The following CLINT1 variants were observed in gnomAD, a reference collection of about 807,000 sequenced individuals.
CLINT1 encodes clathrin interacting protein localized in the trans-Golgi region.
Under a neutral mutation model 70.4 loss-of-function variants are expected in CLINT1, and 15 were observed. The observed-to-expected ratio is 0.21, with a 90% CI of 0.14 to 0.33. CLINT1 has a LOEUF of 0.33. Ranked by LOEUF, CLINT1 falls within the 10% of genes least tolerant of loss-of-function variation. The probability of loss-of-function intolerance (pLI) is 1.00; values close to 1 mark genes in which losing one functional copy is unlikely to be tolerated. For missense variants in CLINT1, 615 were observed against 778.1 expected, an observed-to-expected ratio of 0.79 and a Z score of 2.49; for synonymous variants, 227 against 254.7, an observed-to-expected ratio of 0.89 and a Z score of 1.04.
chr5:157,834,159 T>A (rs1336673822), intron 1 of CLINT1, among the ~76,000 whole-genome samples: 1 of 151,710 alleles, frequency 6.6e-6, no homozygotes, highest in Non-Finnish European at 1.5e-5. Flanking sequence ...AGTTCAGGAG[T>A]TCGAGACCAG....
intron 1 of CLINT1, among the ~76,000 whole-genome samples, chr5:157,846,380 C>T (rs935311748): frequency 1.3e-5 from 2 of 152,016 alleles, no homozygotes; most frequent in African/African-American, 4.8e-5. Flanking sequence ...TCAAACTAGC[C>T]ACAACATTCC....
At chr5:157,805,501 C>T (rs1178666070) in intron 7 of CLINT1, among the ~76,000 whole-genome samples, 1 of 152,154 alleles carries the variant, frequency 6.6e-6, no homozygotes, top group African/African-American at 2.4e-5. Flanking sequence ...TCTTCTTACT[C>T]CCTCGTTTGT....
intron 1 of CLINT1, among the ~76,000 whole-genome samples, chr5:157,835,785 C>G (rs941519562): frequency 5.9e-5 from 9 of 152,162 alleles, no homozygotes; most frequent in African/African-American, 2.2e-4. Flanking sequence ...TTACTATATC[C>G]TCTGAAATTA....
At chr5:157,840,405 T>C (rs567115893) in intron 1 of CLINT1, among the ~76,000 whole-genome samples, 10 of 152,118 alleles carry the variant, frequency 6.6e-5, no homozygotes, top group Admixed American at 1.3e-4. Flanking sequence ...AACTGGAATA[T>C]GGAAGAGGTA....
intron 11 of CLINT1, 132 bp downstream of exon 11, chr5:157,789,226 ATATCT>A: frequency 1.3e-6 from 1 of 744,996 alleles, no homozygotes; most frequent in Non-Finnish European, 2.3e-6. Context: ...TTATGTGAAA[ATATCT>A]TAAGTGAACA....
chr5:157,848,394 A>G (rs905859488), intron 1 of CLINT1, among the ~76,000 whole-genome samples: 12 of 146,946 alleles, frequency 8.2e-5, no homozygotes, highest in African/African-American at 3.0e-4. Context: ...ACTGCACCCG[A>G]CCTAAGAATT....
chr5:157,850,580 G>A (rs1251600498), intron 1 of CLINT1, among the ~76,000 whole-genome samples: 5 of 129,712 alleles, frequency 3.9e-5, no homozygotes, highest in African/African-American at 9.1e-5. Flanking sequence ...ATGCCACTGC[G>A]CTCCAGCCTG....
intron 1 of CLINT1, among the ~76,000 whole-genome samples, chr5:157,822,526 T>A (rs762623961): frequency 6.6e-6 from 1 of 152,192 alleles, no homozygotes; most frequent in African/African-American, 2.4e-5. Context: ...ATCAGCAGCA[T>A]GAAAATGGAC....
chr5:157,845,918 G>A (rs181769107), intron 1 of CLINT1, among the ~76,000 whole-genome samples: 157 of 152,222 alleles, frequency 1.0e-3, no homozygotes, highest in African/African-American at 3.3e-3. Flanking sequence ...AGCAGTCTGT[G>A]ATCAGTGATC....
chr5:157,822,437 A>G (rs1225170929), intron 1 of CLINT1, among the ~76,000 whole-genome samples: 1 of 152,154 alleles, frequency 6.6e-6, no homozygotes, highest in Non-Finnish European at 1.5e-5. Flanking sequence ...ACCTCCCGCC[A>G]TGATTCTGGG....
rs1376870524 is a variant in CLINT1, at chr5:157,791,896, G to A, written c.1187C>T (p.Ala396Val). ...AACAAGTTCTACCGCTGGCTGTGAG[G>A]CACTGCCAAAGAACTCGCCACTGGA... ...VASSGEFFGS[A>V]SQPAVELVSG... Residue 396 changes from alanine (A) to valine (V), a missense_variant, in exon 10 of 12, where the codon GCC (alanine) becomes GTC (valine). Ala to Val is a moderately conservative substitution (Grantham distance 64). Around this residue, in one of 2 missense-constraint regions of CLINT1, gnomAD observed 374 missense variants for 409.6 expected, o/e 0.91. Transcript: ENST00000411809. 6.2e-7 allele frequency: 1 copy of A among 1,613,952 alleles called. No homozygotes were observed. The highest frequency in any genetic ancestry group is 8.5e-7 in the Non-Finnish European group (1 of 1,179,852).
intron 1 of CLINT1, among the ~76,000 whole-genome samples, chr5:157,847,660 G>C (rs1383356994): frequency 2.0e-5 from 3 of 152,150 alleles, no homozygotes; most frequent in African/African-American, 7.2e-5. Flanking sequence ...AAGAAAACTA[G>C]AATTAGGAGC....
intron 1 of CLINT1, among the ~76,000 whole-genome samples, chr5:157,832,061 C>T (rs1309238873): frequency 1.3e-5 from 2 of 152,074 alleles, no homozygotes; most frequent in East Asian, 1.9e-4. Context: ...GATCTCGGCT[C>T]GCTGCAGTCT....
intron 1 of CLINT1, among the ~76,000 whole-genome samples, chr5:157,838,877 A>G (rs1763522396): frequency 6.6e-6 from 1 of 152,230 alleles, no homozygotes; most frequent in African/African-American, 2.4e-5. Context: ...TAGCATTGCT[A>G]GAAGTAGTGA....
At chr5:157,815,538 G>A (rs762360802) in intron 3 of CLINT1, among the ~76,000 whole-genome samples, 2 of 152,106 alleles carry the variant, frequency 1.3e-5, no homozygotes, top group East Asian at 1.9e-4. Flanking sequence ...CTAGTTAGGC[G>A]GAAAGGAGGG....
At chr5:157,819,365 T>C (rs942492461) in intron 1 of CLINT1, among the ~76,000 whole-genome samples, 4 of 152,122 alleles carry the variant, frequency 2.6e-5, no homozygotes, top group Non-Finnish European at 4.4e-5. Flanking sequence ...ACAAAATAAA[T>C]ATAAATTCCT....
At chr5:157,837,501 G>C (rs1477480595) in intron 1 of CLINT1, among the ~76,000 whole-genome samples, 1 of 152,092 alleles carries the variant, frequency 6.6e-6, no homozygotes, top group African/African-American at 2.4e-5. Context: ...TCATACTTGA[G>C]AAATGCAATC....
At chr5:157,790,871 G>A (rs922606598) in intron 10 of CLINT1, among the ~76,000 whole-genome samples, 1 of 152,130 alleles carries the variant, frequency 6.6e-6, no homozygotes, top group Non-Finnish European at 1.5e-5. Context: ...GTTGAAAGAT[G>A]AGCCTATAAA....
chr5:157,833,019 C>T (rs1193398746), intron 1 of CLINT1, among the ~76,000 whole-genome samples: 1 of 152,070 alleles, frequency 6.6e-6, no homozygotes, highest in African/African-American at 2.4e-5. Flanking sequence ...AACTGAGCTC[C>T]TATTTTAAAT....
Sources: allele counts gnomAD v4.1 joint callset (sites outside exome capture counted in the v4.1 genomes callset), GRCh38; gene constraint gnomAD v4.1.1; regional missense constraint gnomAD v4.1.1; transcripts MANE v1.5; gene names NCBI Gene and HGNC (gene_info 2026-07-23, HGNC 2026-07-21).